The following UGGT2 variants were observed in gnomAD, a reference collection of about 807,000 sequenced individuals.
The protein encoded by UGGT2 is UDP-glucose glycoprotein glucosyltransferase 2, also known as UDP-glucose:glycoprotein glucosyltransferase 2.
In UGGT2, 180 loss-of-function variants were observed where a neutral mutation model predicts 192.1. That is an observed-to-expected ratio of 0.94 (90% confidence interval 0.83 to 1.06). The LOEUF (loss-of-function observed/expected upper bound fraction) is 1.06, where lower values mean the gene tolerates loss of function less well. UGGT2 is among the 50% of genes least tolerant of loss of function. The probability of loss-of-function intolerance (pLI) is 0.00; values close to 1 mark genes in which losing one functional copy is unlikely to be tolerated. For synonymous variants in UGGT2, 580 were observed against 591.0 expected, an observed-to-expected ratio of 0.98 and a Z score of 0.27; for missense variants, 1,849 against 1,795.7, an observed-to-expected ratio of 1.03 and a Z score of -0.54.
intron 1 of UGGT2, among the ~76,000 whole-genome samples, chr13:96,037,133 A>C (rs1253035380): frequency 1.3e-5 from 2 of 152,210 alleles, no homozygotes; most frequent in Non-Finnish European, 2.9e-5. Context: ...TCAGATCAAC[A>C]CAAGTAGAAT....
chr13:95,947,992 T>C lies in UGGT2; in HGVS notation c.1541+4A>G, dbSNP rs117944539. 1,434 of 1,606,672 alleles carry C rather than the reference T, an allele frequency of 8.9e-4. 23 individuals carry two copies. The East Asian group carries it at 0.02, about 23-fold the overall frequency. On this transcript the variant is annotated splice_donor_region_variant and intron_variant, in intron 14 of 38. Transcript: ENST00000376747. ...ACAGTTTAATGCTATAAAATGACAA[T>C]TACCTAAGAGGAACTTCGTGAGAAT... is the stretch of plus-strand genomic sequence containing the variant.
rs1283668300 is a variant in UGGT2, at chr13:95,902,911, C to G, written c.2445G>C (p.Lys815Asn). The G allele has an allele frequency of 1.9e-6, 3 of 1,613,426 alleles. No individual in the cohort carries two copies. The South Asian group carries it at 3.3e-5, about 18-fold the overall frequency. The stretch of plus-strand genomic sequence containing the variant: ...AGTAAATAGCTGTAGCAATTTCTTC[C>G]TTTGCCAGTTGCCCAAGAAAGCTTC... Reference protein sequence around the residue: ...FLRSFLGQLAKEEIATAIYSG... With the variant: ...FLRSFLGQLANEEIATAIYSG... Residue 815 changes from lysine (K) to asparagine (N), a missense_variant, in exon 21 of 39, where the codon AAG (lysine) becomes AAC (asparagine). Physicochemically the swap from Lys to Asn is moderately conservative, Grantham distance 94 (BLOSUM62 0). Transcript: ENST00000376747.
At chr13:95,954,679 C>T (rs1203603991) in intron 12 of UGGT2, among the ~76,000 whole-genome samples, 1 of 152,136 alleles carries the variant, frequency 6.6e-6, no homozygotes, top group Non-Finnish European at 1.5e-5. Context: ...TCCAGATTTC[C>T]TGCCTTTCCA....
chr13:95,999,413 T>A (rs2051727362), intron 5 of UGGT2, 106 bp from the exon 6 acceptor site: 1 of 999,386 alleles, frequency 1.0e-6, no homozygotes, highest in Admixed American at 2.1e-5. Context: ...ATTACTAATA[T>A]TGAAGGTTTT....
intron 36 of UGGT2, among the ~76,000 whole-genome samples, chr13:95,842,454 A>G (rs73556778): frequency 0.016 from 2,494 of 152,278 alleles, 63 homozygotes; most frequent in African/African-American, 0.057. Flanking sequence ...TGAATATACC[A>G]TATCTTTTTA....
intron 20 of UGGT2, among the ~76,000 whole-genome samples, chr13:95,923,111 G>A (rs768101502): frequency 6.6e-6 from 1 of 152,100 alleles, no homozygotes; most frequent in Non-Finnish European, 1.5e-5. Flanking sequence ...GAGTGCAATG[G>A]TGTGATCATA....
chr13:95,895,350 T>C (rs1287130137), intron 22 of UGGT2, 46 bp from the exon 23 acceptor site: 2 of 1,185,824 alleles, frequency 1.7e-6, no homozygotes, highest in Non-Finnish European at 2.3e-6. Flanking sequence ...CTAGAAGATA[T>C]CAGTTTAGGA....
intron 10 of UGGT2, chr13:95,983,433 C>A (rs1424745827): frequency 3.4e-6 from 1 of 292,836 alleles, no homozygotes; most frequent in African/African-American, 2.2e-5. Context: ...AAATTGTATT[C>A]TATCTGCTAT....
At position 96,031,874 on chromosome 13, in the gene UGGT2, T is replaced by C. The variant is rs546407982; in HGVS notation, c.241+15A>G. On this transcript the variant is annotated intron_variant, in intron 2 of 38. Coordinates refer to ENST00000376747, the MANE Select transcript of UGGT2 (RefSeq NM_020121.4). ...AAATACAAATCTTACAAGTTAAAAT[T>C]TACATATCACCTACCTGTTTGCTTA... is the stretch of plus-strand genomic sequence containing the variant. The C allele has an allele frequency of 3.2e-5, 51 of 1,579,406 alleles. 1 individual carries two copies. In the South Asian group the frequency reaches 5.3e-4, roughly 16 times the overall value.
intron 36 of UGGT2, 75 bp from the exon 37 acceptor site, chr13:95,837,277 C>CG: frequency 1.0e-6 from 1 of 992,468 alleles, no homozygotes; most frequent in South Asian, 1.3e-5. Context: ...TGAAGTAAGA[C>CG]ATCAGTTAGA....
At chr13:95,853,794 T>C (rs1889296721) in intron 35 of UGGT2, 137 bp from the exon 36 acceptor site, 1 of 551,434 alleles carries the variant, frequency 1.8e-6, no homozygotes, top group Admixed American at 3.8e-5. Flanking sequence ...CTTTCATAAA[T>C]TTGCTCCTAA....
Position 95,927,285 on chromosome 13 carries a change from T to G in UGGT2, c.2029A>C (p.Asn677His), listed in dbSNP as rs755036927. Residue 677 changes from asparagine (N) to histidine (H), a missense_variant, in exon 18 of 39, where the codon AAT becomes CAT. Asn to His is a moderately conservative substitution (Grantham distance 68). Coordinates refer to ENST00000376747, the MANE Select transcript of UGGT2 (RefSeq NM_020121.4). ...NAIDFLMDRNNVVPRINTLIL... is the reference protein window; with the variant it reads ...NAIDFLMDRNHVVPRINTLIL... ...AAAGTATTTATACGGGGTACAACAT[T>G]ATTCCTATCCATTAGAAAATCAATT... The G allele has an allele frequency of 2.6e-5, 42 of 1,611,068 alleles. No individual in the cohort carries two copies. In the South Asian group the frequency reaches 3.3e-4, roughly 13 times the overall value.
intron 27 of UGGT2, among the ~76,000 whole-genome samples, chr13:95,878,061 A>G (rs1163935522): frequency 6.6e-6 from 1 of 151,944 alleles, no homozygotes; most frequent in African/African-American, 2.4e-5. Flanking sequence ...CTTTTTCATG[A>G]CATCAGCTTT....
chr13:95,947,797 A>G (rs1039019555), intron 14 of UGGT2, among the ~76,000 whole-genome samples, 199 bp downstream of exon 14: 3 of 152,200 alleles, frequency 2.0e-5, no homozygotes, highest in African/African-American at 7.2e-5. Context: ...CAGAAAGGTA[A>G]TAAACAACAT....
intron 17 of UGGT2, among the ~76,000 whole-genome samples, chr13:95,931,423 C>T (rs1034515429): frequency 5.0e-4 from 76 of 152,306 alleles, no homozygotes; most frequent in African/African-American, 1.4e-3. Flanking sequence ...CCGCCACTCC[C>T]GCACCTTGCA....
At chr13:95,828,894 G>C (rs61972864) in intron 38 of UGGT2, among the ~76,000 whole-genome samples, 2,852 of 152,210 alleles carry the variant, frequency 0.019, 38 homozygotes, top group Non-Finnish European at 0.025. Flanking sequence ...CAATATCCCT[G>C]ATGAACATCA....
intron 12 of UGGT2, among the ~76,000 whole-genome samples, chr13:95,964,156 T>A (rs1250331394): frequency 6.6e-6 from 1 of 152,082 alleles, no homozygotes; most frequent in African/African-American, 2.4e-5. Flanking sequence ...AATCCAGAAA[T>A]AAATTCATGT....
At chr13:95,872,672 G>A (rs2043039816) in intron 29 of UGGT2, among the ~76,000 whole-genome samples, 1 of 152,096 alleles carries the variant, frequency 6.6e-6, no homozygotes, top group South Asian at 2.1e-4. Flanking sequence ...AAGTTTGTAA[G>A]TTATTTCTAC....
intron 16 of UGGT2, among the ~76,000 whole-genome samples, chr13:95,939,251 A>T (rs1379267578): frequency 6.6e-6 from 1 of 152,270 alleles, no homozygotes; most frequent in East Asian, 1.9e-4. Context: ...AATCTCTTAC[A>T]ACCCCCTTGT....
Sources: allele counts gnomAD v4.1 joint callset (sites outside exome capture counted in the v4.1 genomes callset), GRCh38; gene constraint gnomAD v4.1.1; transcripts MANE v1.5; gene names NCBI Gene and HGNC (gene_info 2026-07-23, HGNC 2026-07-21).